The following ATP10A variants were observed in gnomAD, a reference collection of about 807,000 sequenced individuals.
ATP10A encodes the protein ATPase phospholipid transporting 10A (putative).
ATP10A carries 111 observed loss-of-function variants against 147.8 expected under a neutral mutation model. The ratio of observed to expected loss-of-function variants is 0.75; its 90% CI spans 0.64 to 0.88. The LOEUF (loss-of-function observed/expected upper bound fraction) is 0.88, where lower values mean the gene tolerates loss of function less well. Ranked by LOEUF, ATP10A falls within the 40% of genes least tolerant of loss-of-function variation. The pLI, the probability that ATP10A is intolerant of heterozygous loss-of-function variation, is 0.00. For missense variants in ATP10A, 1,927 were observed against 1,959.0 expected, an observed-to-expected ratio of 0.98 and a Z score of 0.31; for synonymous variants, 875 against 841.6, an observed-to-expected ratio of 1.04 and a Z score of -0.69.
chr15:25,778,120 A>G (rs1889711332), intron 2 of ATP10A, among the ~76,000 whole-genome samples: 1 of 151,918 alleles, frequency 6.6e-6, no homozygotes, highest in African/African-American at 2.4e-5. Flanking sequence ...TGCATTAATG[A>G]CACAGCCCGC....
intron 8 of ATP10A, 127 bp downstream of exon 8, chr15:25,718,055 A>C (rs1433601361): frequency 2.2e-5 from 22 of 998,102 alleles, no homozygotes; most frequent in Non-Finnish European, 3.1e-5. Context: ...GCTTCTGCTG[A>C]GTAGAGCCAA....
upstream of ATP10A, among the ~76,000 whole-genome samples, chr15:25,863,368 C>T (rs1383399469): frequency 2.0e-5 from 3 of 151,946 alleles, no homozygotes; most frequent in African/African-American, 7.2e-5. Context: ...TCGCCGCCCG[C>T]CCCCGGCCCG....
chr15:25,721,118 C>T (rs1041799237), intron 7 of ATP10A, among the ~76,000 whole-genome samples: 1 of 151,990 alleles, frequency 6.6e-6, no homozygotes, highest in Non-Finnish European at 1.5e-5. Context: ...CCCAGAGACA[C>T]CAGGTTGGAA....
At chr15:25,684,653 G>C (rs963154227) in intron 16 of ATP10A, among the ~76,000 whole-genome samples, 1 of 152,180 alleles carries the variant, frequency 6.6e-6, no homozygotes, top group Admixed American at 6.5e-5. Flanking sequence ...GTTCAACTGC[G>C]ATGGGTCTTG....
chr15:25,858,013 G>A (rs1893589707), intron 1 of ATP10A, among the ~76,000 whole-genome samples: 4 of 152,192 alleles, frequency 2.6e-5, no homozygotes, highest in Admixed American at 2.0e-4. Context: ...GCCTTTGGAT[G>A]ACAACCAAGG....
At chr15:25,858,318 G>A (rs1005013975) in intron 1 of ATP10A, among the ~76,000 whole-genome samples, 4 of 152,122 alleles carry the variant, frequency 2.6e-5, no homozygotes, top group Admixed American at 1.3e-4. Context: ...GGGGAAAGAT[G>A]TGTTGACTGC....
At chr15:25,764,163 AAGGCACCGAGTG>A (rs1383434818) in intron 2 of ATP10A, among the ~76,000 whole-genome samples, 1 of 152,048 alleles carries the variant, frequency 6.6e-6, no homozygotes, top group Non-Finnish European at 1.5e-5. Flanking sequence ...GCATTTCTTC[AAGGCACCGAGTG>A]AGGCTGATGC....
At chr15:25,739,684 A>C (rs553678031) in intron 2 of ATP10A, among the ~76,000 whole-genome samples, 1 of 152,336 alleles carries the variant, frequency 6.6e-6, no homozygotes, top group African/African-American at 2.4e-5. Flanking sequence ...CCAGCATCTC[A>C]GACAAAAGGA....
chr15:25,783,189 A>G (rs1183745388), intron 1 of ATP10A, among the ~76,000 whole-genome samples: 1 of 152,030 alleles, frequency 6.6e-6, no homozygotes, highest in East Asian at 1.9e-4. Context: ...AAGAAACAAA[A>G]AATCTGTCCT....
intron 1 of ATP10A, among the ~76,000 whole-genome samples, chr15:25,826,956 G>A (rs1384988115): frequency 1.3e-5 from 2 of 152,128 alleles, no homozygotes; most frequent in East Asian, 3.8e-4. Flanking sequence ...TAATCAAACT[G>A]TCAAAAGCCC....
At chr15:25,753,404 T>C (rs1292156442) in intron 2 of ATP10A, among the ~76,000 whole-genome samples, 1 of 152,180 alleles carries the variant, frequency 6.6e-6, no homozygotes, top group East Asian at 1.9e-4. Flanking sequence ...TCCATGTTGT[T>C]GCAAATGACA....
intron 1 of ATP10A, among the ~76,000 whole-genome samples, chr15:25,791,945 T>C (rs116885901): frequency 0.04 from 6,074 of 152,290 alleles, 168 homozygotes; most frequent in Non-Finnish European, 0.058. Context: ...GTATTATACA[T>C]GTTGTTTCCA....
At chr15:25,718,619 C>A (rs1394777332) in intron 7 of ATP10A, among the ~76,000 whole-genome samples, 1 of 152,162 alleles carries the variant, frequency 6.6e-6, no homozygotes, top group African/African-American at 2.4e-5. Context: ...GACTGACTTT[C>A]ATCTCAGAGA....
intron 12 of ATP10A, among the ~76,000 whole-genome samples, chr15:25,703,446 CAGG>C (rs1425407922): frequency 6.6e-6 from 1 of 152,182 alleles, no homozygotes; most frequent in Non-Finnish European, 1.5e-5. Flanking sequence ...ATCTGCAAAC[CAGG>C]AGGAGATCCC....
chr15:25,770,372 G>C (rs1889274613), intron 2 of ATP10A, among the ~76,000 whole-genome samples: 1 of 152,196 alleles, frequency 6.6e-6, no homozygotes, highest in African/African-American at 2.4e-5. Context: ...CGCCCCAACT[G>C]TTGGCCCAGA....
chr15:25,751,605 C>A (rs187985707), intron 2 of ATP10A, among the ~76,000 whole-genome samples: 2 of 151,934 alleles, frequency 1.3e-5, no homozygotes, highest in East Asian at 3.9e-4. Context: ...GATTTGACCC[C>A]GAAAGGACAG....
chr15:25,691,378 G>A (rs779368056), intron 15 of ATP10A, among the ~76,000 whole-genome samples: 5 of 152,070 alleles, frequency 3.3e-5, no homozygotes, highest in African/African-American at 9.7e-5. Context: ...CCGTGTTCAC[G>A]GACAGTAAAA....
chr15:25,679,342 C>T lies in ATP10A; in HGVS notation c.4499G>A (p.Ter1500=), dbSNP rs1332872064. The change falls in exon 21 of 21, where the codon TGA becomes TAA. Residue 1500 remains the stop codon, a stop_retained_variant. Coordinates refer to ENST00000555815, the MANE Select transcript of ATP10A (RefSeq NM_024490.4). ...TTAAAAAAGGCCATTTCAAGGTTTT[C>T]ACTGTGACCGCCTTGAAGATGCTCC... ...LIGASSRRSQ[*] is the part of the protein sequence containing the mutation. 3 of 1,468,290 alleles carry T rather than the reference C, an allele frequency of 2.0e-6. No individual in the cohort carries two copies. The highest frequency in any genetic ancestry group is 3.1e-5 in the South Asian group (2 of 65,424). 91.0% of individuals were successfully genotyped at this position (1,468,290 alleles called of 1,614,324 possible).
intron 11 of ATP10A, 25 bp downstream of exon 11, chr15:25,708,172 C>G: frequency 6.2e-7 from 1 of 1,614,082 alleles, no homozygotes; most frequent in Non-Finnish European, 8.5e-7. Flanking sequence ...TGCACGTGCA[C>G]CCTCGCGGAG....
Sources: gnomAD v4.1 joint callset for allele counts (sites outside exome capture counted in the v4.1 genomes callset) on GRCh38, gnomAD v4.1.1 for gene constraint, MANE v1.5 for transcripts, NCBI Gene and HGNC (gene_info 2026-07-23, HGNC 2026-07-21) for gene names.